Variants in FYCO1 observed in about 807,000 individuals in gnomAD.
FYCO1 encodes FYVE and coiled-coil domain-containing protein 1.
A neutral mutation model predicts 165.1 loss-of-function variants in FYCO1; 122 were observed. That is an observed-to-expected ratio of 0.74 (90% CI 0.64 to 0.86). The LOEUF (loss-of-function observed/expected upper bound fraction) is 0.86, where lower values mean the gene tolerates loss of function less well. FYCO1 is among the 40% of genes least tolerant of loss of function. The probability of loss-of-function intolerance (pLI) is 0.00; values close to 1 mark genes in which losing one functional copy is unlikely to be tolerated. For synonymous variants in FYCO1, 648 were observed against 742.5 expected, an observed-to-expected ratio of 0.87 and a Z score of 2.07; for missense variants, 1,702 against 1,810.3, an observed-to-expected ratio of 0.94 and a Z score of 1.09.
chr3:45,950,116 C>T (rs1704912136), intron 14 of FYCO1, among the ~76,000 whole-genome samples: 1 of 152,090 alleles, frequency 6.6e-6, no homozygotes, highest in Non-Finnish European at 1.5e-5. Flanking sequence ...CTCAGCCCAC[C>T]CTTCTCCCTT....
chr3:45,965,382 G>A (rs1297270618), intron 8 of FYCO1, among the ~76,000 whole-genome samples: 1 of 152,208 alleles, frequency 6.6e-6, no homozygotes, highest in Non-Finnish European at 1.5e-5. Context: ...GGAGTTTCAC[G>A]GAGTGGGGTG....
intron 16 of FYCO1, among the ~76,000 whole-genome samples, chr3:45,925,112 T>C (rs1703261012): frequency 6.7e-6 from 1 of 150,196 alleles, no homozygotes; most frequent in African/African-American, 2.5e-5. Context: ...GTATTTTTAA[T>C]AGAGACAGAG....
intron 15 of FYCO1, among the ~76,000 whole-genome samples, chr3:45,932,168 G>A (rs1403510974): frequency 6.6e-6 from 1 of 152,184 alleles, no homozygotes; most frequent in Non-Finnish European, 1.5e-5. Context: ...GCTCCTCAGG[G>A]CCCCTTCCAG....
chr3:45,923,540 G>C lies in FYCO1; in HGVS notation c.4361+116C>G, dbSNP rs571075348. The C allele has an allele frequency of 1.2e-4, 93 of 754,384 alleles. No homozygotes were observed. The African/African-American group carries it at 1.5e-3, about 12-fold the overall frequency. The allele number at this position is 754,384 out of a possible 1,614,324, so 46.7% of individuals were successfully genotyped here. On this transcript the variant is annotated intron_variant, in intron 17 of 17. Transcript: ENST00000296137. ...CACAGGAGAGGGGTCAACAATCAAAGAACAATTAATAATAAGTTACTGACA... is the reference window on the plus strand; with the variant it reads ...CACAGGAGAGGGGTCAACAATCAAACAACAATTAATAATAAGTTACTGACA...
At chr3:45,952,883 G>T (rs1705109192) in intron 14 of FYCO1, among the ~76,000 whole-genome samples, 2 of 152,194 alleles carry the variant, frequency 1.3e-5, no homozygotes, top group Admixed American at 1.3e-4. Context: ...GTGTGGCTTA[G>T]TGCTAGTGGA....
At chr3:45,956,387 G>C (rs1317544610) in intron 13 of FYCO1, among the ~76,000 whole-genome samples, 1 of 151,474 alleles carries the variant, frequency 6.6e-6, no homozygotes, top group Non-Finnish European at 1.5e-5. Flanking sequence ...TAAATGAGTA[G>C]ACAGGAAATG....
intron 15 of FYCO1, 91 bp from the exon 16 acceptor site, chr3:45,931,372 G>T: frequency 8.5e-7 from 1 of 1,182,406 alleles, no homozygotes; most frequent in African/African-American, 1.5e-5. Flanking sequence ...GGTGGCTGGA[G>T]ACTTCGGAGA....
intron 14 of FYCO1, among the ~76,000 whole-genome samples, chr3:45,948,950 G>C (rs1704817489): frequency 6.6e-6 from 1 of 152,206 alleles, no homozygotes; most frequent in Admixed American, 6.5e-5. Flanking sequence ...ACTTGGCACA[G>C]TTTGCATTTG....
chr3:45,973,993 A>G (rs1559463781), intron 5 of FYCO1, among the ~76,000 whole-genome samples: 2 of 152,170 alleles, frequency 1.3e-5, no homozygotes, highest in East Asian at 1.9e-4. Flanking sequence ...CCCAGGAGGT[A>G]GAGGCCACAG....
intron 11 of FYCO1, 100 bp from the exon 12 acceptor site, chr3:45,959,642 C>T: frequency 7.7e-7 from 1 of 1,293,086 alleles, no homozygotes; most frequent in African/African-American, 1.4e-5. Flanking sequence ...TTTCCTAAGT[C>T]ATAGAAAGAA....
chr3:45,938,401 C>G (rs1027832242), intron 14 of FYCO1: 1 of 381,966 alleles, frequency 2.6e-6, no homozygotes, highest in African/African-American at 2.1e-5. Context: ...GAGGTTATGA[C>G]CAACATTAAA....
chr3:45,963,629 C>CT (rs1705825508), intron 10 of FYCO1, among the ~76,000 whole-genome samples: 1 of 152,226 alleles, frequency 6.6e-6, no homozygotes, highest in Non-Finnish European at 1.5e-5. Context: ...ATTCCAGCAA[C>CT]TCCTCCTCCC....
intron 1 of FYCO1, among the ~76,000 whole-genome samples, chr3:45,986,470 C>T (rs1021640211): frequency 5.3e-5 from 8 of 152,168 alleles, no homozygotes; most frequent in Non-Finnish European, 7.3e-5. Flanking sequence ...TGCCTCTGCC[C>T]GAGGAGAGGG....
intron 14 of FYCO1, among the ~76,000 whole-genome samples, chr3:45,954,204 T>A (rs1020489067): frequency 3.3e-5 from 5 of 150,348 alleles, no homozygotes; most frequent in Non-Finnish European, 5.9e-5. Context: ...CTTGAAACGT[T>A]ATGACATTTT....
At chr3:45,988,290 G>T (rs536157291) in intron 1 of FYCO1, among the ~76,000 whole-genome samples, 1 of 152,234 alleles carries the variant, frequency 6.6e-6, no homozygotes, top group African/African-American at 2.4e-5. Flanking sequence ...CCTCCGTCTC[G>T]GTCTGAGGTC....
chr3:45,959,319 C>G (rs955783187), intron 12 of FYCO1, 74 bp downstream of exon 12: 4 of 1,529,078 alleles, frequency 2.6e-6, no homozygotes, highest in Non-Finnish European at 3.6e-6. Flanking sequence ...TCACAGAGTC[C>G]TCTTTTGGAG....
chr3:45,949,035 A>T (rs1383555072), intron 14 of FYCO1, among the ~76,000 whole-genome samples: 2 of 152,162 alleles, frequency 1.3e-5, no homozygotes, highest in African/African-American at 4.8e-5. Flanking sequence ...GAAGCCCTCC[A>T]TGTCAGCTCC....
At chr3:45,923,144 C>T (rs1703165950) in intron 17 of FYCO1, among the ~76,000 whole-genome samples, 1 of 152,258 alleles carries the variant, frequency 6.6e-6, no homozygotes, top group Non-Finnish European at 1.5e-5. Flanking sequence ...CCAGAGATGG[C>T]ACCTGTCGCT....
At chr3:45,958,988 T>C (rs539357352) in intron 12 of FYCO1, among the ~76,000 whole-genome samples, 1 of 152,230 alleles carries the variant, frequency 6.6e-6, no homozygotes, top group Non-Finnish European at 1.5e-5. Flanking sequence ...CCGAGATTCA[T>C]CTTTATCCAT....
Sources: gnomAD v4.1 joint callset for allele counts (sites outside exome capture counted in the v4.1 genomes callset) on GRCh38, gnomAD v4.1.1 for gene constraint, MANE v1.5 for transcripts, NCBI Gene and HGNC (gene_info 2026-07-23, HGNC 2026-07-21) for gene names.